Variants in ADK observed in about 807,000 individuals in gnomAD.
ADK encodes the protein adenosine kinase.
ADK carries 24 observed loss-of-function variants against 44.7 expected under a neutral mutation model. The observed-to-expected ratio is 0.54, with a 90% confidence interval of 0.39 to 0.76. The LOEUF (loss-of-function observed/expected upper bound fraction) is 0.76. ADK is among the 30% of genes least tolerant of loss of function. ADK has a pLI of 0.00. For missense variants in ADK, 321 were observed against 425.1 expected (o/e 0.76, Z 2.15); for synonymous variants, 128 against 142.6 (o/e 0.90, Z 0.73).
chr10:74,544,898 C>CT lies in ADK; in HGVS notation c.726+19485dup, dbSNP rs112304458. Among the ~76,000 whole-genome samples, 983 of 142,468 alleles carry CT rather than the reference C, an allele frequency of 6.9e-3. 7 individuals are homozygous for CT. Among genetic ancestry groups the CT allele is most frequent in the African/African-American group, 0.019 (757 of 39,316 alleles). The allele number at this position is 142,468 out of a possible 152,430, so 93.5% of individuals were successfully genotyped here. A position where few individuals can be genotyped will look rare whatever the true frequency, so the allele number is the denominator to read the frequency against. ...AAACCGAGGAGTTTTTTCTTTCTTTCTTTTTTTTTTTTTGAGACGGAATCT... is the reference window on the plus strand; with the variant it reads ...AAACCGAGGAGTTTTTTCTTTCTTTCTTTTTTTTTTTTTTGAGACGGAATCT... On this transcript the variant is annotated intron_variant, in intron 7 of 10. Transcript: ENST00000539909.
rs1457825515 is a variant in ADK at position 74,236,180 on chromosome 10, A to G, written c.194+11589A>G. Among the ~76,000 whole-genome samples the G allele has an allele frequency of 2.0e-5, 3 of 152,250 alleles. No homozygotes were observed. The East Asian group carries it at 5.8e-4, about 29-fold the overall frequency. ...TTTTCTCAGACATAATGTAAGCTCA[A>G]TGAAGGCAGAGGAAATATGATTGAC... On this transcript the variant is annotated intron_variant, in intron 3 of 10. Coordinates refer to ENST00000539909, the MANE Select transcript of ADK (RefSeq NM_006721.4).
intron 2 of ADK, among the ~76,000 whole-genome samples, chr10:74,220,055 C>T (rs1332272746): frequency 1.3e-5 from 2 of 151,446 alleles, no homozygotes; most frequent in African/African-American, 2.4e-5. Context: ...CACAAAAAAC[C>T]GTTCAAAAAA....
intron 9 of ADK, chr10:74,655,349 G>T: frequency 2.4e-6 from 1 of 415,830 alleles, no homozygotes. Context: ...GTCAGACATG[G>T]GACCTTCTCA....
At chr10:74,458,865 A>G (rs1032601185) in intron 6 of ADK, among the ~76,000 whole-genome samples, 1 of 152,202 alleles carries the variant, frequency 6.6e-6, no homozygotes, top group African/African-American at 2.4e-5. Flanking sequence ...ATAAGGTTTA[A>G]TATGGAAAAT....
At chr10:74,633,197 A>G (rs1319308630) in intron 9 of ADK, among the ~76,000 whole-genome samples, 1 of 152,212 alleles carries the variant, frequency 6.6e-6, no homozygotes, top group Admixed American at 6.5e-5. Context: ...TTACCCATCT[A>G]ATCAGCCCTT....
chr10:74,336,715 C>T (rs1429529413), intron 4 of ADK, among the ~76,000 whole-genome samples: 1 of 152,166 alleles, frequency 6.6e-6, no homozygotes, highest in Non-Finnish European at 1.5e-5. Flanking sequence ...ATACCAAATC[C>T]ATGGATACTC....
intron 6 of ADK, among the ~76,000 whole-genome samples, chr10:74,491,687 T>G: frequency 6.6e-6 from 1 of 152,240 alleles, no homozygotes; most frequent in Non-Finnish European, 1.5e-5. Flanking sequence ...TTTTGGTTTG[T>G]CTTACCAATA....
intron 6 of ADK, chr10:74,506,025 T>A (rs1392939901): frequency 6.6e-6 from 1 of 152,242 alleles, no homozygotes; most frequent in Non-Finnish European, 1.5e-5. Context: ...TCTAAAAATG[T>A]CAAGCCATCC....
At chr10:74,510,443 A>C (rs1396392407) in intron 6 of ADK, among the ~76,000 whole-genome samples, 1 of 152,102 alleles carries the variant, frequency 6.6e-6, no homozygotes, top group Non-Finnish European at 1.5e-5. Context: ...TTCCTTGTAT[A>C]TTCTTAGTAT....
chr10:74,587,541 A>G (rs1411407530), intron 7 of ADK, among the ~76,000 whole-genome samples: 5 of 151,952 alleles, frequency 3.3e-5, no homozygotes, highest in Non-Finnish European at 5.9e-5. Flanking sequence ...TTTTTTTCCC[A>G]ATGTTTTCCC....
chr10:74,526,351 GTTTACTGTTTATACCTCTTA>G (rs960831589), intron 7 of ADK, among the ~76,000 whole-genome samples: 57 of 152,128 alleles, frequency 3.7e-4, no homozygotes, highest in Non-Finnish European at 6.6e-4. Context: ...TTGATTGCTT[GTTTACTGTTTATACCTCTTA>G]TTTACTGTTT....
intron 8 of ADK, among the ~76,000 whole-genome samples, chr10:74,598,917 G>C (rs1000886390): frequency 3.3e-5 from 5 of 152,112 alleles, no homozygotes; most frequent in African/African-American, 7.2e-5. Flanking sequence ...AAATCCTATA[G>C]TAGTAAAATA....
intron 3 of ADK, among the ~76,000 whole-genome samples, chr10:74,282,847 TTGTC>T (rs1372679531): frequency 6.6e-6 from 1 of 152,198 alleles, no homozygotes; most frequent in Admixed American, 6.5e-5. Context: ...GCTGTTAATT[TTGTC>T]TTATAGTATA....
chr10:74,527,012 A>G (rs1384238910), intron 7 of ADK, among the ~76,000 whole-genome samples: 5 of 152,218 alleles, frequency 3.3e-5, no homozygotes, highest in African/African-American at 7.2e-5. Flanking sequence ...GCAGCACTTA[A>G]ATAAGTTCTC....
At chr10:74,649,071 C>T (rs1854160289) in intron 9 of ADK, among the ~76,000 whole-genome samples, 1 of 151,980 alleles carries the variant, frequency 6.6e-6, no homozygotes, top group Non-Finnish European at 1.5e-5. Context: ...GTCCCAGCTA[C>T]TTGGGAGGCT....
At chr10:74,258,947 G>GT (rs141424052) in intron 3 of ADK, among the ~76,000 whole-genome samples, 2,737 of 96,046 alleles carry the variant, frequency 0.028, 93 homozygotes, top group South Asian at 0.047. Context: ...TTGTTTTTGT[G>GT]TTTTTTTTTT....
intron 7 of ADK, among the ~76,000 whole-genome samples, chr10:74,559,648 CT>C (rs1248461457): frequency 2.0e-5 from 3 of 152,138 alleles, no homozygotes; most frequent in Admixed American, 6.5e-5. Flanking sequence ...ATCATATTCT[CT>C]GTTTAAATGT....
intron 3 of ADK, among the ~76,000 whole-genome samples, chr10:74,303,758 A>G (rs978045496): frequency 6.6e-6 from 1 of 151,642 alleles, no homozygotes; most frequent in South Asian, 2.1e-4. Flanking sequence ...ACCTGAAGTC[A>G]GGAGTTCGAG....
intron 7 of ADK, among the ~76,000 whole-genome samples, chr10:74,525,834 T>C (rs916230338): frequency 1.3e-5 from 2 of 152,228 alleles, no homozygotes; most frequent in South Asian, 2.1e-4. Flanking sequence ...TTTGTGTTTT[T>C]AGTAGAGACA....
Sources: gnomAD v4.1 joint callset for allele counts (sites outside exome capture counted in the v4.1 genomes callset) on GRCh38, gnomAD v4.1.1 for gene constraint, MANE v1.5 for transcripts, NCBI Gene and HGNC (gene_info 2026-07-23, HGNC 2026-07-21) for gene names.